Variants in PARD3 observed in about 807,000 individuals in gnomAD.
PARD3 encodes the protein partitioning defective 3 homolog.
PARD3 carries 75 observed loss-of-function variants against 155.4 expected under a neutral mutation model. The observed-to-expected ratio is 0.48, with a 90% CI of 0.40 to 0.58. The LOEUF is 0.58. Ranked by LOEUF, PARD3 falls within the 20% of genes least tolerant of loss-of-function variation. The pLI is 0.00. For synonymous variants in PARD3, 576 were observed against 610.5 expected, an observed-to-expected ratio of 0.94 and a Z score of 0.83; for missense variants, 1,642 against 1,721.7, an observed-to-expected ratio of 0.95 and a Z score of 0.82.
chr10:34,671,743 C>A (rs968651614), intron 2 of PARD3, among the ~76,000 whole-genome samples: 1 of 152,110 alleles, frequency 6.6e-6, no homozygotes, highest in Non-Finnish European at 1.5e-5. Context: ...TTCTATCTAT[C>A]GCAAAGATCA....
chr10:34,206,874 G>T (rs2133374341), intron 22 of PARD3, among the ~76,000 whole-genome samples: 1 of 152,296 alleles, frequency 6.6e-6, no homozygotes. Context: ...CTGGTCTGGA[G>T]TAAAGTCTCA....
chr10:34,749,953 C>T (rs11009917), intron 1 of PARD3, among the ~76,000 whole-genome samples: 51,283 of 151,396 alleles, frequency 0.34, 10,296 homozygotes, highest in Non-Finnish European at 0.45. Context: ...GCCCAATAGG[C>T]GAAGGCTGCA....
chr10:34,367,588 C>T (rs932973250), intron 12 of PARD3, among the ~76,000 whole-genome samples: 8 of 152,096 alleles, frequency 5.3e-5, no homozygotes, highest in Non-Finnish European at 1.0e-4. Context: ...CCTGTAATCC[C>T]AGCTACTCGG....
intron 21 of PARD3, among the ~76,000 whole-genome samples, chr10:34,277,774 G>A (rs1029054419): frequency 1.3e-5 from 2 of 152,158 alleles, no homozygotes; most frequent in African/African-American, 4.8e-5. Context: ...AGCATTAACA[G>A]GGAGACTGCT....
intron 22 of PARD3, among the ~76,000 whole-genome samples, chr10:34,227,854 TTTTA>T (rs1279664069): frequency 0.041 from 1,097 of 26,496 alleles, 114 homozygotes; most frequent in African/African-American, 0.078. Flanking sequence ...GGGAATTATT[TTTTA>T]TATATATATA....
chr10:34,575,906 GAA>G (rs1564370117), intron 2 of PARD3, among the ~76,000 whole-genome samples: 1 of 151,832 alleles, frequency 6.6e-6, no homozygotes, highest in Admixed American at 6.6e-5. Context: ...CAAAAAAAAA[GAA>G]AAAGAAAGAA....
intron 2 of PARD3, among the ~76,000 whole-genome samples, chr10:34,647,395 C>G (rs72781610): frequency 3.9e-5 from 6 of 152,128 alleles, no homozygotes; most frequent in Admixed American, 6.5e-5. Context: ...CCGTTTTGCA[C>G]GGGTTTCGCA....
chr10:34,374,136 A>C (rs1421874301), intron 11 of PARD3, among the ~76,000 whole-genome samples: 1 of 152,166 alleles, frequency 6.6e-6, no homozygotes, highest in Non-Finnish European at 1.5e-5. Context: ...TCCTCCAATT[A>C]TGTCATTTTT....
intron 20 of PARD3, among the ~76,000 whole-genome samples, chr10:34,309,757 C>T (rs565747438): frequency 2.2e-3 from 252 of 112,216 alleles, no homozygotes; most frequent in African/African-American, 8.7e-3. Flanking sequence ...CCCACCCCCC[C>T]GCCCCCCCAA....
intron 2 of PARD3, among the ~76,000 whole-genome samples, chr10:34,518,297 A>T (rs1363080568): frequency 6.6e-6 from 1 of 152,224 alleles, no homozygotes; most frequent in African/African-American, 2.4e-5. Context: ...CCACACAGAG[A>T]TCCTAGAAAC....
chr10:34,114,040 T>C (rs1394906730), intron 24 of PARD3, among the ~76,000 whole-genome samples: 2 of 152,120 alleles, frequency 1.3e-5, no homozygotes, highest in Admixed American at 6.5e-5. Flanking sequence ...GAGGACTGCT[T>C]GAGGCCAGGA....
chr10:34,685,345 C>T (rs1001118212), intron 2 of PARD3, among the ~76,000 whole-genome samples: 2 of 152,260 alleles, frequency 1.3e-5, no homozygotes, highest in South Asian at 2.1e-4. Context: ...GATTAAGATG[C>T]CTGCATTAAA....
chr10:34,358,172 C>T (rs953320293), intron 14 of PARD3, among the ~76,000 whole-genome samples: 3 of 152,002 alleles, frequency 2.0e-5, no homozygotes, highest in Non-Finnish European at 4.4e-5. Flanking sequence ...ACAGTTGGCA[C>T]ATAATTTATA....
At chr10:34,368,664 T>TC (rs1426400267) in intron 12 of PARD3, among the ~76,000 whole-genome samples, 3 of 150,928 alleles carry the variant, frequency 2.0e-5, no homozygotes, top group East Asian at 3.9e-4. Flanking sequence ...AGAGCGAGAC[T>TC]CCATCTCAAA....
chr10:34,583,205 T>C (rs1393971148), intron 2 of PARD3, among the ~76,000 whole-genome samples: 1 of 152,152 alleles, frequency 6.6e-6, no homozygotes. Context: ...AATGACACGA[T>C]ATAACCATCT....
At chr10:34,671,862 A>G (rs1160191372) in intron 2 of PARD3, among the ~76,000 whole-genome samples, 1 of 63,906 alleles carries the variant, frequency 1.6e-5, no homozygotes, top group East Asian at 2.6e-4. Flanking sequence ...TTTTAAAGAT[A>G]TAACTCTAGA....
intron 2 of PARD3, among the ~76,000 whole-genome samples, chr10:34,548,012 C>T (rs932823815): frequency 6.6e-6 from 1 of 152,214 alleles, no homozygotes; most frequent in East Asian, 1.9e-4. Flanking sequence ...TCATCTTCTA[C>T]TGATCAAGCA....
At chr10:34,474,426 T>C (rs1347631932) in intron 3 of PARD3, among the ~76,000 whole-genome samples, 1 of 152,226 alleles carries the variant, frequency 6.6e-6, no homozygotes, top group Non-Finnish European at 1.5e-5. Context: ...CATCTGGATG[T>C]GTATTGGTTT....
chr10:34,742,342 C>A (rs1437637893), intron 1 of PARD3, among the ~76,000 whole-genome samples: 1 of 152,176 alleles, frequency 6.6e-6, no homozygotes, highest in East Asian at 1.9e-4. Flanking sequence ...AACAATTCAA[C>A]AAAAGAGATT....
Sources: allele counts gnomAD v4.1 joint callset (sites outside exome capture counted in the v4.1 genomes callset), GRCh38; gene constraint gnomAD v4.1.1; transcripts MANE v1.5; gene names NCBI Gene and HGNC (gene_info 2026-07-23, HGNC 2026-07-21).